The following PHF3 variants were observed in gnomAD, a reference collection of about 807,000 sequenced individuals.
The protein encoded by PHF3 is PHD finger protein 3.
In PHF3, 41 loss-of-function variants were observed where a neutral mutation model predicts 178.4. The observed-to-expected ratio is 0.23, with a 90% CI of 0.18 to 0.30. The LOEUF is 0.30. Among genes scored for constraint, PHF3 ranks in the 10% least tolerant of loss-of-function variants. The pLI, the probability that PHF3 is intolerant of heterozygous loss-of-function variation, is 1.00. For missense variants in PHF3, 2,346 were observed against 2,398.1 expected (o/e 0.98, Z 0.45); for synonymous variants, 842 against 800.5 (o/e 1.05, Z -0.88).
In PHF3 at chr6:63,684,773, ACAAATC is replaced by A; in HGVS notation, c.1057_1062del (p.Pro353_Asn354del). On this transcript the variant is annotated inframe_deletion, in exon 4 of 16. Coordinates refer to ENST00000262043, the MANE Select transcript of PHF3 (RefSeq NM_001370348.2). ...TGATATTTCTAGTGATGCTGCTTGT[ACAAATC>A]CAAATAAGACAGAAAACAGCCTTGT... The A allele has an allele frequency of 1.2e-6, 2 of 1,614,072 alleles. No homozygotes were observed. The highest frequency in any genetic ancestry group is 1.7e-6 in the Non-Finnish European group (2 of 1,179,936).
intron 2 of PHF3, among the ~76,000 whole-genome samples, chr6:63,673,064 C>T (rs1296040899): frequency 2.0e-5 from 3 of 151,972 alleles, no homozygotes; most frequent in Non-Finnish European, 4.4e-5. Flanking sequence ...TTTATTTCTC[C>T]TCAAGTTTTT....
chr6:63,638,043 A>G (rs1167624664), intron 1 of PHF3, among the ~76,000 whole-genome samples: 1 of 152,210 alleles, frequency 6.6e-6, no homozygotes, highest in African/African-American at 2.4e-5. Context: ...TATATGTTGC[A>G]TAATCAGAAA....
Position 63,712,613 on chromosome 6 carries a change from T to C in PHF3, c.5025T>C (p.Asn1675=), listed in dbSNP as rs761677978. The C allele has an allele frequency of 8.7e-6, 14 of 1,613,760 alleles. No homozygotes were observed. The highest frequency in any genetic ancestry group is 1.2e-5 in the Non-Finnish European group (14 of 1,179,946). Residue 1675 remains asparagine (N), a synonymous_variant, in exon 16 of 16, where the codon AAT becomes AAC. Coordinates refer to ENST00000262043, the MANE Select transcript of PHF3 (RefSeq NM_001370348.2). The part of the protein sequence containing the change: ...SESKDGDSCR[N]GEKHMLPGLS... ...GCAAAGATGGAGATAGTTGCCGGAATGGAGAAAAACACATGCTGCCTGGCC... is the reference window on the plus strand; with the variant it reads ...GCAAAGATGGAGATAGTTGCCGGAACGGAGAAAAACACATGCTGCCTGGCC...
intron 2 of PHF3, among the ~76,000 whole-genome samples, chr6:63,649,020 A>G (rs1300597025): frequency 1.3e-5 from 2 of 152,232 alleles, no homozygotes; most frequent in Non-Finnish European, 2.9e-5. Flanking sequence ...AATGGAAAAC[A>G]TTTTTGAAAA....
At chr6:63,657,717 C>G (rs1161830742) in intron 2 of PHF3, among the ~76,000 whole-genome samples, 2 of 152,118 alleles carry the variant, frequency 1.3e-5, no homozygotes, top group Non-Finnish European at 2.9e-5. Flanking sequence ...GCAGTTCAAA[C>G]CCATGTTGTT....
intron 6 of PHF3, among the ~76,000 whole-genome samples, chr6:63,696,479 C>G (rs758007391): frequency 2.0e-4 from 31 of 152,114 alleles, no homozygotes; most frequent in Admixed American, 1.4e-3. Context: ...CCACCACACC[C>G]AGCTAATTTT....
chr6:63,725,105 T>C lies in PHF3; in HGVS notation c.*11397T>C, dbSNP rs546674171. Among the ~76,000 whole-genome samples, 6 of 152,316 alleles carry C rather than the reference T, an allele frequency of 3.9e-5. No individual in the cohort carries two copies. The South Asian group carries it at 1.2e-3, about 32-fold the overall frequency. ...TCTAGGTTTAAGCATGTAGAACTTATATTTTTAATATTTAAAAATTTTCAT... is the reference window on the plus strand; with the variant it reads ...TCTAGGTTTAAGCATGTAGAACTTACATTTTTAATATTTAAAAATTTTCAT... On this transcript the variant is annotated 3_prime_UTR_variant, in exon 16 of 16. Transcript: ENST00000262043.
At chr6:63,703,702 G>A in intron 11 of PHF3, 31 bp downstream of exon 11, 1 of 1,579,002 alleles carries the variant, frequency 6.3e-7, no homozygotes, top group Non-Finnish European at 8.6e-7. Context: ...GTAAAATTTT[G>A]CATTCATTAT....
intron 4 of PHF3, 80 bp downstream of exon 4, chr6:63,685,991 G>A (rs1766686999): frequency 1.1e-6 from 1 of 934,478 alleles, no homozygotes; most frequent in Admixed American, 2.3e-5. Flanking sequence ...TGTGAGAATT[G>A]TTTTAAAGAC....
At chr6:63,682,980 A>C (rs922598202) in intron 3 of PHF3, among the ~76,000 whole-genome samples, 1 of 152,058 alleles carries the variant, frequency 6.6e-6, no homozygotes, top group African/African-American at 2.4e-5. Context: ...TATTGAAACA[A>C]AGCTTTATTA....
intron 4 of PHF3, among the ~76,000 whole-genome samples, chr6:63,686,772 C>A (rs1024304038): frequency 6.6e-6 from 1 of 152,154 alleles, no homozygotes; most frequent in Non-Finnish European, 1.5e-5. Context: ...ATATTATATT[C>A]TTCTTATCCT....
chr6:63,712,292 T>C lies in PHF3; in HGVS notation c.4704T>C (p.Ser1568=), dbSNP rs745731301. ...TCAGAGGTAAGCCACCAGATGTTTC[T>C]ACAGAAGCATTTTTAACAAATTTAT... ...LSLRGKPPDV[S]TEAFLTNLSI... is the part of the protein sequence containing the mutation. The change falls in exon 16 of 16, where the codon TCT becomes TCC. Residue 1568 remains serine, a synonymous_variant. Coordinates refer to ENST00000262043, the MANE Select transcript of PHF3 (RefSeq NM_001370348.2). 1.2e-6 allele frequency: 2 copies of C among 1,613,476 alleles called. No homozygotes were observed. Among genetic ancestry groups the C allele is most frequent in the Non-Finnish European group, 1.7e-6 (2 of 1,179,826 alleles).
intron 4 of PHF3, among the ~76,000 whole-genome samples, chr6:63,690,171 C>A (rs1305450910): frequency 6.6e-6 from 1 of 152,140 alleles, no homozygotes; most frequent in African/African-American, 2.4e-5. Context: ...GGAATTATTT[C>A]TGTCTTCTAA....
At chr6:63,705,740 T>G (rs1410198488) in intron 11 of PHF3, among the ~76,000 whole-genome samples, 1 of 152,232 alleles carries the variant, frequency 6.6e-6, no homozygotes, top group Non-Finnish European at 1.5e-5. Context: ...AAATTAACTT[T>G]ATTACAGGTA....
chr6:63,713,874 G>A lies in PHF3; in HGVS notation c.*166G>A. On this transcript the variant is annotated 3_prime_UTR_variant, in exon 16 of 16. Coordinates refer to ENST00000262043, the MANE Select transcript of PHF3 (RefSeq NM_001370348.2). ...TGTTGGTACAGAGTGCTCTGTACCA[G>A]TGCTCATCATCCCTTCTTCATACCA... 28 of 492,372 alleles carry A rather than the reference G, an allele frequency of 5.7e-5. No homozygotes were observed. The highest frequency in any genetic ancestry group is 2.4e-4 in the South Asian group (5 of 21,120). 30.5% of individuals were successfully genotyped at this position (492,372 alleles called of 1,614,324 possible). A position where few individuals can be genotyped will look rare whatever the true frequency, so the allele number is the denominator to read the frequency against.
At chr6:63,638,304 AT>A (rs1335128687) in intron 1 of PHF3, among the ~76,000 whole-genome samples, 1 of 152,042 alleles carries the variant, frequency 6.6e-6, no homozygotes, top group Non-Finnish European at 1.5e-5. Flanking sequence ...AAGAGCTTAG[AT>A]TTTTTTCATA....
Position 63,669,684 on chromosome 6 carries a change from T to C in PHF3, c.245-10316T>C, listed in dbSNP as rs1181912641. ...ACTTGATTTTTCTTGAGGAAGGCTC[T>C]AGAGTTGGAAAGTTAACTGAAATGA... On this transcript the variant is annotated intron_variant, in intron 2 of 15. Transcript: ENST00000262043. 2.0e-5 allele frequency among the ~76,000 whole-genome samples: 3 copies of C among 152,326 alleles called. No homozygotes were observed. In the East Asian group the frequency reaches 5.8e-4, roughly 29 times the overall value.
At chr6:63,665,493 T>TG (rs903525188) in intron 2 of PHF3, among the ~76,000 whole-genome samples, 2 of 145,760 alleles carry the variant, frequency 1.4e-5, no homozygotes, top group African/African-American at 2.5e-5. Context: ...TTTGTTTTTT[T>TG]TTTTTTTTTT....
rs1582072069 is a variant in PHF3, at chr6:63,684,536, G to A, written c.814G>A (p.Ala272Thr). ...TACTATTGGAGAAAAGAAAAATGAA[G>A]CTTTGATGGAATGTAAAGCCAAGCC... ...CVTIGEKKNE[A>T]LMECKAKPVG... Residue 272 changes from alanine to threonine, a missense_variant, in exon 4 of 16, where the codon GCT (alanine) becomes ACT (threonine). This residue lies in a region of PHF3 where 843 missense variants were observed against 795.2 expected (regional missense o/e 1.06). Transcript: ENST00000262043. The A allele has an allele frequency of 1.2e-6, 2 of 1,613,414 alleles. No individual in the cohort carries two copies. Among genetic ancestry groups the A allele is most frequent in the Non-Finnish European group, 1.7e-6 (2 of 1,179,800 alleles).
Sources: allele counts gnomAD v4.1 joint callset (sites outside exome capture counted in the v4.1 genomes callset), GRCh38; gene constraint gnomAD v4.1.1; regional missense constraint gnomAD v4.1.1; transcripts MANE v1.5; gene names NCBI Gene and HGNC (gene_info 2026-07-23, HGNC 2026-07-21).